Variants in SPAG16 observed in about 807,000 individuals in gnomAD.
The protein encoded by SPAG16 is sperm associated antigen 16, also known as sperm-associated antigen 16 protein.
Under a neutral mutation model 80.4 loss-of-function variants are expected in SPAG16, and 86 were observed. The observed-to-expected ratio is 1.07, with a 90% CI of 0.90 to 1.28. SPAG16 has a LOEUF of 1.28. SPAG16 is among the 50% of genes most tolerant of loss of function. The probability of loss-of-function intolerance (pLI) is 0.00; values close to 1 mark genes in which losing one functional copy is unlikely to be tolerated. For synonymous variants in SPAG16, 294 were observed against 265.9 expected (o/e 1.11, Z -1.03); for missense variants, 870 against 765.3 (o/e 1.14, Z -1.61).
At chr2:213,442,153 A>T (rs552472584) in intron 9 of SPAG16, among the ~76,000 whole-genome samples, 1 of 152,110 alleles carries the variant, frequency 6.6e-6, no homozygotes, top group Non-Finnish European at 1.5e-5. Context: ...GTCTCAAAAA[A>T]CAAACAAACC....
intron 15 of SPAG16, among the ~76,000 whole-genome samples, chr2:214,258,652 A>G (rs1690900241): frequency 1.3e-5 from 2 of 151,838 alleles, no homozygotes; most frequent in African/African-American, 4.8e-5. Context: ...TGCTTTGGGT[A>G]GATACCCAGT....
At chr2:213,561,571 T>A (rs757223567) in intron 10 of SPAG16, among the ~76,000 whole-genome samples, 2 of 152,180 alleles carry the variant, frequency 1.3e-5, no homozygotes, top group African/African-American at 2.4e-5. Context: ...CAAAAGTTAA[T>A]ATGCATATAA....
chr2:213,372,387 AG>A (rs1252875599), intron 8 of SPAG16, among the ~76,000 whole-genome samples: 7 of 152,116 alleles, frequency 4.6e-5, no homozygotes, highest in African/African-American at 1.7e-4. Flanking sequence ...AGAGCTTTAA[AG>A]AGGAAATAAA....
chr2:213,802,849 G>C (rs532277456), intron 10 of SPAG16, among the ~76,000 whole-genome samples: 6 of 148,464 alleles, frequency 4.0e-5, no homozygotes, highest in Non-Finnish European at 8.9e-5. Flanking sequence ...ATCACTTCCA[G>C]AAAAAAAAAG....
intron 15 of SPAG16, among the ~76,000 whole-genome samples, chr2:214,324,217 T>C (rs1341489915): frequency 1.3e-5 from 2 of 152,260 alleles, no homozygotes; most frequent in African/African-American, 2.4e-5. Context: ...ATAAATGTTA[T>C]GATATTCATT....
chr2:213,293,776 T>C (rs761128683), intron 1 of SPAG16, among the ~76,000 whole-genome samples: 35 of 152,244 alleles, frequency 2.3e-4, no homozygotes, highest in Non-Finnish European at 4.3e-4. Flanking sequence ...TTATTGTTCC[T>C]TTTTCAGCGT....
intron 10 of SPAG16, among the ~76,000 whole-genome samples, chr2:213,765,802 A>G (rs2068907302): frequency 6.6e-6 from 1 of 152,220 alleles, no homozygotes; most frequent in South Asian, 2.1e-4. Context: ...TGACAGAGGT[A>G]TGGTTGTGCT....
At chr2:214,035,872 C>T (rs1009503292) in intron 13 of SPAG16, among the ~76,000 whole-genome samples, 2 of 152,188 alleles carry the variant, frequency 1.3e-5, no homozygotes, top group African/African-American at 2.4e-5. Context: ...GCACTTCTGC[C>T]TGTTCCCAGA....
intron 10 of SPAG16, among the ~76,000 whole-genome samples, chr2:213,663,422 T>A (rs1224008610): frequency 6.6e-6 from 1 of 152,074 alleles, no homozygotes; most frequent in Admixed American, 6.6e-5. Context: ...AAAAAGTAAA[T>A]TAAATTGTTG....
chr2:214,052,329 C>A (rs2049693390), intron 13 of SPAG16, among the ~76,000 whole-genome samples: 1 of 152,192 alleles, frequency 6.6e-6, no homozygotes, highest in African/African-American at 2.4e-5. Flanking sequence ...AAAAGTGAAT[C>A]CCTTAGAAGT....
intron 10 of SPAG16, among the ~76,000 whole-genome samples, chr2:213,681,412 A>T (rs1269673085): frequency 6.6e-6 from 1 of 152,156 alleles, no homozygotes; most frequent in East Asian, 1.9e-4. Flanking sequence ...CTTAGTCCTC[A>T]TAATCTTGTA....
At chr2:213,893,589 G>A (rs968269224) in intron 11 of SPAG16, among the ~76,000 whole-genome samples, 1 of 152,078 alleles carries the variant, frequency 6.6e-6, no homozygotes, top group South Asian at 2.1e-4. Flanking sequence ...GTGTTGTGGG[G>A]ATGGAGTTAA....
intron 9 of SPAG16, among the ~76,000 whole-genome samples, chr2:213,486,066 T>A (rs1004286561): frequency 6.6e-6 from 1 of 152,190 alleles, no homozygotes. Context: ...TTTGTCTTTA[T>A]GTTATAAATG....
chr2:214,172,067 T>A (rs2056888271), intron 15 of SPAG16, among the ~76,000 whole-genome samples: 1 of 151,848 alleles, frequency 6.6e-6, no homozygotes, highest in East Asian at 1.9e-4. Context: ...AGATCTCTGA[T>A]TTATCCTGCA....
chr2:214,226,323 C>T lies in SPAG16; in HGVS notation c.1720+77057C>T, dbSNP rs2058697090. Among the ~76,000 whole-genome samples, 3 of 152,122 alleles carry T rather than the reference C, an allele frequency of 2.0e-5. 1 individual carries two copies. The highest frequency in any genetic ancestry group is 7.2e-5 in the African/African-American group (3 of 41,526). On this transcript the variant is annotated intron_variant, in intron 15 of 15. Coordinates refer to ENST00000331683, the MANE Select transcript of SPAG16 (RefSeq NM_024532.5). ...GAAAAATGCACATACTTTTTCAAAC[C>T]TCTGCTTGTGTTAAGTCTGATAATG... is the stretch of plus-strand genomic sequence containing the variant.
rs932909876 is a variant in SPAG16 at position 213,830,353 on chromosome 2, A to C, written c.1071-32132A>C. On this transcript the variant is annotated intron_variant, in intron 10 of 15. Transcript: ENST00000331683. Reference sequence around the variant, plus strand: ...TCTCTATCTGGGTCACTCATTCACTACTGTGGGATGGGTGAGGGGTAGTGT... The same window carrying C: ...TCTCTATCTGGGTCACTCATTCACTCCTGTGGGATGGGTGAGGGGTAGTGT... Among the ~76,000 whole-genome samples the C allele has an allele frequency of 5.9e-5, 9 of 152,004 alleles. 1 individual carries two copies. Among genetic ancestry groups the C allele is most frequent in the African/African-American group, 2.2e-4 (9 of 41,392 alleles).
chr2:213,906,947 T>G (rs555567414), intron 11 of SPAG16, among the ~76,000 whole-genome samples: 315 of 141,386 alleles, frequency 2.2e-3, no homozygotes, highest in Non-Finnish European at 4.5e-3. Flanking sequence ...GACATTATTC[T>G]AGACAAAGAT....
intron 14 of SPAG16, among the ~76,000 whole-genome samples, chr2:214,109,804 G>T (rs1042747754): frequency 6.6e-6 from 1 of 151,966 alleles, no homozygotes; most frequent in Non-Finnish European, 1.5e-5. Flanking sequence ...TTTCCAGCAG[G>T]GTATGGAAAA....
chr2:213,885,896 C>T (rs1397455035), intron 11 of SPAG16, among the ~76,000 whole-genome samples: 1 of 152,156 alleles, frequency 6.6e-6, no homozygotes, highest in Non-Finnish European at 1.5e-5. Context: ...TTCTGAATTA[C>T]ATATTTTTAC....
Sources: gnomAD v4.1 joint callset for allele counts (sites outside exome capture counted in the v4.1 genomes callset) on GRCh38, gnomAD v4.1.1 for gene constraint, MANE v1.5 for transcripts, NCBI Gene and HGNC (gene_info 2026-07-23, HGNC 2026-07-21) for gene names.